Variants in FBL observed in about 807,000 individuals in gnomAD.
FBL encodes rRNA 2'-O-methyltransferase fibrillarin.
Under a neutral mutation model 42.2 loss-of-function variants are expected in FBL, and 10 were observed. The observed-to-expected ratio is 0.24, with a 90% CI of 0.15 to 0.40. FBL has a LOEUF of 0.40. Among genes scored for constraint, FBL ranks in the 10% least tolerant of loss-of-function variants. FBL has a pLI of 1.00. For synonymous variants in FBL, 165 were observed against 165.4 expected (o/e 1.00, Z 0.02); for missense variants, 351 against 439.2 (o/e 0.80, Z 1.79).
At chr19:39,837,960 A>C in intron 5 of FBL, 117 bp from the exon 6 acceptor site, 2 of 752,998 alleles carry the variant, frequency 2.7e-6, no homozygotes, top group Non-Finnish European at 4.2e-6. Flanking sequence ...AAACCCTACC[A>C]TCTAATGACT....
chr19:39,837,507 C>T (rs982193273), intron 6 of FBL, among the ~76,000 whole-genome samples: 5 of 152,040 alleles, frequency 3.3e-5, no homozygotes, highest in African/African-American at 1.2e-4. Flanking sequence ...AGAGGTTGGC[C>T]CTCCAAGGGT....
In FBL at chr19:39,840,100, CAG is replaced by C. The variant is rs2145061330; in HGVS notation, c.378+131_378+132del. On this transcript the variant is annotated intron_variant, in intron 4 of 8. Coordinates refer to ENST00000221801, the MANE Select transcript of FBL (RefSeq NM_001436.4). The surrounding 1 kb of genome is among the most constrained non-coding windows in gnomAD (Gnocchi z 4.5). ...GAGTCACAGAAGGCGGATGAGGGAG[CAG>C]ACAGTGTGGTTTACATATTATGACA... is the stretch of plus-strand genomic sequence containing the variant. The C allele has an allele frequency of 1.5e-6, 1 of 670,898 alleles. No individual in the cohort carries two copies. Among genetic ancestry groups the C allele is most frequent in the East Asian group, 2.7e-5 (1 of 37,392 alleles). 41.6% of individuals were successfully genotyped at this position (670,898 alleles called of 1,614,324 possible).
Position 39,840,031 on chromosome 19 carries a change from GA to G in FBL, c.378+201del, listed in dbSNP as rs1200813696. 6.6e-6 allele frequency among the ~76,000 whole-genome samples: 1 copy of G among 152,150 alleles called. No individual in the cohort carries two copies. On this transcript the variant is annotated intron_variant, in intron 4 of 8. Coordinates refer to ENST00000221801, the MANE Select transcript of FBL (RefSeq NM_001436.4). The surrounding 1 kb of genome is among the most constrained non-coding windows in gnomAD (Gnocchi z 4.5). ...GGGAACTGGAATGCACAGGGTCTTG[GA>G]GGCCTGAGTGAAGACTCAGGAGTCT...
At chr19:39,842,108 C>T (rs1477029267) in intron 1 of FBL, among the ~76,000 whole-genome samples, 15 of 147,004 alleles carry the variant, frequency 1.0e-4, no homozygotes, top group African/African-American at 3.8e-4. Context: ...TTTTTTGAGA[C>T]GGAGTCTCAC....
intron 7 of FBL, 82 bp from the exon 8 acceptor site, chr19:39,834,895 ATTAT>A: frequency 6.9e-7 from 1 of 1,444,230 alleles, no homozygotes; most frequent in Non-Finnish European, 9.6e-7. Flanking sequence ...AGATGTTTTC[ATTAT>A]TAATTCAAGT....
intron 6 of FBL, among the ~76,000 whole-genome samples, 174 bp from the exon 7 acceptor site, chr19:39,836,842 CCA>C (rs1969058355): frequency 1.3e-5 from 2 of 152,248 alleles, no homozygotes; most frequent in South Asian, 4.1e-4. Flanking sequence ...AGTCCAAAAC[CCA>C]CAGTCACATC....
chr19:39,838,544 A>T (rs1162696380), intron 5 of FBL: 1 of 153,916 alleles, frequency 6.5e-6, no homozygotes, highest in Non-Finnish European at 1.4e-5. Flanking sequence ...TAAAGGCATG[A>T]GCCACCTCGT....
intron 1 of FBL, among the ~76,000 whole-genome samples, chr19:39,841,734 C>T (rs917677537): frequency 4.6e-5 from 7 of 152,176 alleles, no homozygotes; most frequent in Non-Finnish European, 8.8e-5. Context: ...TGCTTCCAAG[C>T]TTAAAGAAGT....
At chr19:39,842,088 G>A (rs964461826) in intron 1 of FBL, among the ~76,000 whole-genome samples, 48 of 147,540 alleles carry the variant, frequency 3.3e-4, no homozygotes, top group Non-Finnish European at 6.0e-5. Context: ...TCATAAGCTT[G>A]CTTTTTTTTT....
intron 5 of FBL, chr19:39,838,814 C>T (rs192476254): frequency 2.4e-5 from 12 of 503,272 alleles, no homozygotes; most frequent in Non-Finnish European, 4.2e-5. Context: ...TAAGGTTGGT[C>T]ACCCCACACC....
intron 7 of FBL, 88 bp from the exon 8 acceptor site, chr19:39,834,901 A>G (rs1969003096): frequency 4.3e-6 from 6 of 1,391,592 alleles, no homozygotes; most frequent in Non-Finnish European, 6.0e-6. Flanking sequence ...TTTCATTATT[A>G]ATTCAAGTAA....
rs751047970 is a variant in FBL, at chr19:39,840,796, G to T, written c.11-9C>A. 6.5e-7 allele frequency: 1 copy of T among 1,533,398 alleles called. No homozygotes were observed. Among genetic ancestry groups the T allele is most frequent in the Non-Finnish European group, 8.8e-7 (1 of 1,138,324 alleles). The allele number at this position is 1,533,398 out of a possible 1,614,324, so 95.0% of individuals were successfully genotyped here. A position where few individuals can be genotyped will look rare whatever the true frequency, so the allele number is the denominator to read the frequency against. Reference sequence around the variant, plus strand: ...CCCACGGGGACTGAATCCTGTGGGGGAAACAAAACAGGAGTCAGGGCAATG... The same window carrying T: ...CCCACGGGGACTGAATCCTGTGGGGTAAACAAAACAGGAGTCAGGGCAATG... On this transcript the variant is annotated splice_polypyrimidine_tract_variant and intron_variant, in intron 1 of 8. Transcript: ENST00000221801. The surrounding 1 kb of genome is among the most constrained non-coding windows in gnomAD (Gnocchi z 4.5).
chr19:39,840,791 TG>T lies in FBL; in HGVS notation c.11-5del. 2 of 1,537,790 alleles carry T rather than the reference TG, an allele frequency of 1.3e-6. No individual in the cohort carries two copies. The highest frequency in any genetic ancestry group is 1.4e-5 in the African/African-American group (1 of 72,624). ...CCACCCCCACGGGGACTGAATCCTGTGGGGGAAACAAAACAGGAGTCAGGGC... is the reference window on the plus strand; with the variant it reads ...CCACCCCCACGGGGACTGAATCCTGTGGGGAAACAAAACAGGAGTCAGGGC... On this transcript the variant is annotated splice_region_variant and splice_polypyrimidine_tract_variant and intron_variant, in intron 1 of 8. Transcript: ENST00000221801. The surrounding 1 kb of genome is among the most constrained non-coding windows in gnomAD (Gnocchi z 4.5).
intron 6 of FBL, among the ~76,000 whole-genome samples, chr19:39,837,368 C>T (rs1437817649): frequency 2.0e-5 from 3 of 152,078 alleles, no homozygotes; most frequent in African/African-American, 7.2e-5. Context: ...GCTTAGTTTT[C>T]TGGGATATGC....
chr19:39,838,777 TG>T (rs766518883), intron 5 of FBL: 15 of 371,680 alleles, frequency 4.0e-5, no homozygotes, highest in Non-Finnish European at 7.2e-5. Flanking sequence ...TCAAATAGTC[TG>T]GTATCTATAC....
chr19:39,842,841 C>G (rs970584850), intron 1 of FBL, among the ~76,000 whole-genome samples: 2 of 152,148 alleles, frequency 1.3e-5, no homozygotes. Flanking sequence ...TATCATCATC[C>G]TAAGGATCTG....
rs78201553 is a variant in FBL at position 39,844,842 on chromosome 19, C to T, written c.10+1449G>A. On this transcript the variant is annotated intron_variant, in intron 1 of 8. Transcript: ENST00000221801. ...CTGCTCAAAAATCTCCCAAAGGGTT[C>T]TTTTCTCACTCAGGCTAAAATCCTT... is the stretch of plus-strand genomic sequence containing the variant. Among the ~76,000 whole-genome samples the T allele has an allele frequency of 8.0e-3, 1,224 of 152,320 alleles. 12 individuals carry two copies. The highest frequency in any genetic ancestry group is 0.028 in the African/African-American group (1,144 of 41,566).
rs950994461 is a variant in FBL, at chr19:39,840,754, C to G, written c.44G>C (p.Arg15Pro). 6.4e-7 allele frequency: 1 copy of G among 1,572,286 alleles called. No homozygotes were observed. Among genetic ancestry groups the G allele is most frequent in the Non-Finnish European group, 8.6e-7 (1 of 1,158,662 alleles). Residue 15 changes from arginine to proline, a missense_variant, in exon 2 of 9, where the codon CGA becomes CCA. Coordinates refer to ENST00000221801, the MANE Select transcript of FBL (RefSeq NM_001436.4). The surrounding 1 kb of genome is among the most constrained non-coding windows in gnomAD (Gnocchi z 4.5). ...FSPRGGGFGG[R>P]GGFGDRGGRG... ...ACCACCACGGTCACCAAAGCCCCCTCGGCCGCCAAAGCCACCCCCACGGGG... is the reference window on the plus strand; with the variant it reads ...ACCACCACGGTCACCAAAGCCCCCTGGGCCGCCAAAGCCACCCCCACGGGG...
chr19:39,839,046 T>C lies in FBL; in HGVS notation c.538A>G (p.Ile180Val), dbSNP rs753405147. 4 of 1,611,730 alleles carry C rather than the reference T, an allele frequency of 2.5e-6. No homozygotes were observed. Among genetic ancestry groups the C allele is most frequent in the Admixed American group, 1.7e-5 (1 of 59,502 alleles). ...SGTTVSHVSDIVGPDGLVYAV... is the reference protein window; with the variant it reads ...SGTTVSHVSDVVGPDGLVYAV... ...ATCTACTCACTCACCGGACCAACGA[T>C]GTCAGAGACATGGGAGACCGTGGTG... Residue 180 changes from isoleucine (I) to valine (V), a missense_variant, in exon 5 of 9, where the codon ATC (isoleucine) becomes GTC (valine). Transcript: ENST00000221801.
Sources: gnomAD v4.1 joint callset for allele counts (sites outside exome capture counted in the v4.1 genomes callset) on GRCh38, gnomAD v4.1.1 for gene constraint, Gnocchi (gnomAD v3.1) non-coding constraint, MANE v1.5 for transcripts, NCBI Gene and HGNC (gene_info 2026-07-23, HGNC 2026-07-21) for gene names.